RGS6: variants seen among roughly 807,000 people sequenced by gnomAD.
The protein encoded by RGS6 is regulator of G protein signaling 6, also known as regulator of G-protein signaling 6.
A neutral mutation model predicts 78.5 loss-of-function variants in RGS6; 30 were observed. That is an observed-to-expected ratio of 0.38 (90% confidence interval 0.29 to 0.52). The LOEUF is 0.52. Among genes scored for constraint, RGS6 ranks in the 20% least tolerant of loss-of-function variants. The pLI is 0.85. For missense variants in RGS6, 495 were observed against 609.7 expected, an observed-to-expected ratio of 0.81 and a Z score of 1.98; for synonymous variants, 206 against 206.0, an observed-to-expected ratio of 1.00 and a Z score of 0.00.
intron 8 of RGS6, among the ~76,000 whole-genome samples, chr14:72,472,115 A>T (rs550019962): frequency 1.3e-5 from 2 of 151,962 alleles, no homozygotes; most frequent in Non-Finnish European, 2.9e-5. Flanking sequence ...GTTACACGGC[A>T]ATTAATCTGA....
chr14:72,118,336 A>G (rs2095958158), intron 2 of RGS6, among the ~76,000 whole-genome samples: 1 of 151,986 alleles, frequency 6.6e-6, no homozygotes, highest in South Asian at 2.1e-4. Flanking sequence ...TCTGTGGATT[A>G]TTTCCCTCCA....
chr14:72,367,142 A>G (rs546420171), intron 3 of RGS6, among the ~76,000 whole-genome samples: 42 of 152,310 alleles, frequency 2.8e-4, no homozygotes, highest in African/African-American at 1.0e-3. Flanking sequence ...AACTGTTCCC[A>G]TGATCTCATG....
intron 2 of RGS6, among the ~76,000 whole-genome samples, chr14:72,020,755 A>C (rs1320457670): frequency 6.6e-6 from 1 of 152,238 alleles, no homozygotes; most frequent in Non-Finnish European, 1.5e-5. Context: ...TGCTTTTGGT[A>C]CAAAAGATGT....
chr14:72,046,134 G>A (rs1001111951), intron 2 of RGS6, among the ~76,000 whole-genome samples: 2 of 151,664 alleles, frequency 1.3e-5, no homozygotes, highest in South Asian at 2.1e-4. Flanking sequence ...CTCCCTAGGA[G>A]CGTCTCCCCC....
At chr14:71,984,484 G>GAAAAAA (rs370779936) in intron 2 of RGS6, among the ~76,000 whole-genome samples, 3 of 117,434 alleles carry the variant, frequency 2.6e-5, no homozygotes, top group East Asian at 2.7e-4. Flanking sequence ...GTCTCAAAAA[G>GAAAAAA]AAAAAAAAAA....
chr14:72,132,500 A>G (rs2096345935), intron 2 of RGS6, among the ~76,000 whole-genome samples: 1 of 152,006 alleles, frequency 6.6e-6, no homozygotes, highest in Non-Finnish European at 1.5e-5. Flanking sequence ...GCCAGTCTCA[A>G]ACTCCTGACC....
Position 72,474,654 on chromosome 14 carries a change from T to C in RGS6, c.648T>C (p.Asp216=), listed in dbSNP as rs769382674. 196 of 1,613,498 alleles carry C rather than the reference T, an allele frequency of 1.2e-4. 2 individuals are homozygous for C. The South Asian group carries it at 2.1e-3, about 17-fold the overall frequency. ...GCTGTGTGAACACAACAGAAATGGA[T>C]ATCCGAAAATGTCGACGTTTGAAGA... ...VPGCVNTTEM[D]IRKCRRLKNP... Residue 216 remains aspartate (D), a synonymous_variant, in exon 10 of 18, where the codon GAT becomes GAC. Transcript: ENST00000553525.
chr14:72,396,995 T>C (rs2091451433), intron 3 of RGS6, among the ~76,000 whole-genome samples: 1 of 152,224 alleles, frequency 6.6e-6, no homozygotes, highest in South Asian at 2.1e-4. Flanking sequence ...TCCAGCTTTG[T>C]TCTTTTGGCT....
At chr14:72,241,989 A>G (rs1276944531) in intron 2 of RGS6, among the ~76,000 whole-genome samples, 1 of 152,262 alleles carries the variant, frequency 6.6e-6, no homozygotes, top group East Asian at 1.9e-4. Context: ...CTGGAACATC[A>G]AATAGTGACC....
At chr14:72,260,369 T>C (rs1004839649) in intron 2 of RGS6, among the ~76,000 whole-genome samples, 3 of 152,202 alleles carry the variant, frequency 2.0e-5, no homozygotes, top group Non-Finnish European at 2.9e-5. Context: ...TCTCCAAAGT[T>C]GAAAATGAGT....
At chr14:72,600,570 GACAC>G in the RGS6 span, among the ~76,000 whole-genome samples, 1,190 of 148,028 alleles carry the variant, frequency 8.0e-3, 17 homozygotes, top group African/African-American at 0.027. Context: ...AAGCCAGGCA[GACAC>G]ACACACACAC....
chr14:72,309,917 C>G (rs899742496), intron 2 of RGS6, among the ~76,000 whole-genome samples: 23 of 152,248 alleles, frequency 1.5e-4, no homozygotes, highest in Non-Finnish European at 3.4e-4. Flanking sequence ...TTGTCCCAAT[C>G]TTTATTTTAA....
chr14:72,237,691 G>T (rs764463601), intron 2 of RGS6, among the ~76,000 whole-genome samples: 13 of 152,110 alleles, frequency 8.5e-5, no homozygotes, highest in Non-Finnish European at 1.8e-4. Flanking sequence ...TGTGAAAGGG[G>T]TGTGGCCCAC....
chr14:72,048,274 AAATG>A (rs2093008493), intron 2 of RGS6, among the ~76,000 whole-genome samples: 1 of 152,182 alleles, frequency 6.6e-6, no homozygotes. Flanking sequence ...TCAGAACCAT[AAATG>A]TTTTCTTAGA....
At chr14:72,091,574 T>C (rs2095270090) in intron 2 of RGS6, among the ~76,000 whole-genome samples, 1 of 152,206 alleles carries the variant, frequency 6.6e-6, no homozygotes, top group Admixed American at 6.5e-5. Flanking sequence ...TATATTGGAA[T>C]CCATGTAGTA....
intron 3 of RGS6, among the ~76,000 whole-genome samples, chr14:72,426,671 C>T (rs1166386750): frequency 2.0e-5 from 3 of 152,208 alleles, no homozygotes; most frequent in Non-Finnish European, 4.4e-5. Context: ...TCTTAACTTC[C>T]TTAACAGTTT....
chr14:72,402,048 C>T (rs2092456498), intron 3 of RGS6, among the ~76,000 whole-genome samples: 1 of 152,214 alleles, frequency 6.6e-6, no homozygotes, highest in Non-Finnish European at 1.5e-5. Context: ...GAAGTGGTGG[C>T]TCTCAATGGT....
Position 72,156,065 on chromosome 14 carries a change from TAC to T in RGS6, c.84+191192_84+191193del, listed in dbSNP as rs529143811. Among the ~76,000 whole-genome samples the T allele has an allele frequency of 3.9e-5, 6 of 152,328 alleles. No individual in the cohort carries two copies. In the South Asian group the frequency reaches 1.0e-3, roughly 26 times the overall value. On this transcript the variant is annotated intron_variant, in intron 2 of 17. Coordinates refer to ENST00000553525, the MANE Select transcript of RGS6 (RefSeq NM_001204424.2). ...GGTGCAGCCTGGGCATCTGGAATTT[TAC>T]AGTCTACCTGAGTAATTCCAATGAG...
chr14:72,072,268 T>C (rs750126462), intron 2 of RGS6, among the ~76,000 whole-genome samples: 1 of 151,920 alleles, frequency 6.6e-6, no homozygotes, highest in African/African-American at 2.4e-5. Context: ...TTTTGGGAAG[T>C]GGATGTAGGT....
Sources: gnomAD v4.1 joint callset for allele counts (sites outside exome capture counted in the v4.1 genomes callset) on GRCh38, gnomAD v4.1.1 for gene constraint, MANE v1.5 for transcripts, NCBI Gene and HGNC (gene_info 2026-07-23, HGNC 2026-07-21) for gene names.